UNC5D: variants seen among roughly 807,000 people sequenced by gnomAD.
The protein encoded by UNC5D is netrin receptor UNC5D.
UNC5D carries 39 observed loss-of-function variants against 105.4 expected under a neutral mutation model. That is an observed-to-expected ratio of 0.37 (90% CI 0.29 to 0.48). The LOEUF is 0.48. Ranked by LOEUF, UNC5D falls within the 20% of genes least tolerant of loss-of-function variation. UNC5D has a pLI of 0.98. For missense variants in UNC5D, 991 were observed against 1,202.4 expected (o/e 0.82, Z 2.60); for synonymous variants, 452 against 450.4 (o/e 1.00, Z -0.04).
Position 35,262,857 on chromosome 8 carries a change from C to T in UNC5D, c.103+26970C>T, listed in dbSNP as rs116328530. On this transcript the variant is annotated intron_variant, in intron 1 of 16. Coordinates refer to ENST00000404895, the MANE Select transcript of UNC5D (RefSeq NM_080872.4). ...TACTAAATACTAGAGCAAGATTTGC[C>T]TACTTTCTCATATTCCATAGTACGA... Among the ~76,000 whole-genome samples, 167 of 152,256 alleles carry T rather than the reference C, an allele frequency of 1.1e-3. No homozygotes were observed. The Middle Eastern group carries it at 0.017, about 16-fold the overall frequency.
intron 16 of UNC5D, among the ~76,000 whole-genome samples, chr8:35,779,405 A>G (rs189388158): frequency 1.3e-5 from 2 of 152,328 alleles, no homozygotes; most frequent in African/African-American, 4.8e-5. Context: ...GGGTTATTCA[A>G]TAAATATTTC....
rs1563594163 is a variant in UNC5D, at chr8:35,615,033, G to GC, written c.570+19376_570+19377insC. ...AAGACCAGCCTGGGCAACATAGTGA[G>GC]GGGCCCCCCCCCCCCCGTCCCCCAC... On this transcript the variant is annotated intron_variant, in intron 4 of 16. Transcript: ENST00000404895. Among the ~76,000 whole-genome samples the GC allele has an allele frequency of 4.0e-4, 19 of 47,938 alleles. 3 individuals are homozygous for GC. The East Asian group carries it at 4.6e-3, about 12-fold the overall frequency. 31.4% of individuals were successfully genotyped at this position (47,938 alleles called of 152,430 possible). A position where few individuals can be genotyped will look rare whatever the true frequency, so the allele number is the denominator to read the frequency against.
chr8:35,635,127 TTCTC>T (rs1468654595), intron 4 of UNC5D, among the ~76,000 whole-genome samples: 1 of 152,112 alleles, frequency 6.6e-6, no homozygotes, highest in East Asian at 1.9e-4. Context: ...GCACTATTTT[TTCTC>T]TCTCTCTATC....
At chr8:35,761,012 A>G (rs1465721029) in intron 14 of UNC5D, among the ~76,000 whole-genome samples, 1 of 152,150 alleles carries the variant, frequency 6.6e-6, no homozygotes, top group Admixed American at 6.6e-5. Context: ...CAAAGCACAC[A>G]ACCATCTCTC....
At chr8:35,438,969 A>G (rs968713196) in intron 1 of UNC5D, among the ~76,000 whole-genome samples, 1 of 151,948 alleles carries the variant, frequency 6.6e-6, no homozygotes, top group African/African-American at 2.4e-5. Context: ...GTTCTGGGAG[A>G]GATGGACGCA....
rs190362748 is a variant in UNC5D, at chr8:35,554,606, A to G, written c.322+5096A>G. ...CAGACACACATATGTCATACACACA[A>G]TAGTAAACAACCACAAACCAAACAT... On this transcript the variant is annotated intron_variant, in intron 2 of 16. Transcript: ENST00000404895. Among the ~76,000 whole-genome samples, 332 of 152,352 alleles carry G rather than the reference A, an allele frequency of 2.2e-3. 3 individuals carry two copies. Among genetic ancestry groups the G allele is most frequent in the African/African-American group, 7.4e-3 (306 of 41,584 alleles).
chr8:35,469,640 A>G (rs1449344311), intron 1 of UNC5D, among the ~76,000 whole-genome samples: 3 of 152,220 alleles, frequency 2.0e-5, no homozygotes, highest in African/African-American at 7.2e-5. Context: ...TTTGCAGAGA[A>G]GTAAAAAAGG....
chr8:35,296,788 A>G (rs1188264647), intron 1 of UNC5D, among the ~76,000 whole-genome samples: 1 of 152,088 alleles, frequency 6.6e-6, no homozygotes, highest in Non-Finnish European at 1.5e-5. Flanking sequence ...TTTAAAATAT[A>G]TTGGTTGATT....
intron 1 of UNC5D, among the ~76,000 whole-genome samples, chr8:35,480,483 G>A (rs1332473026): frequency 6.6e-6 from 1 of 152,040 alleles, no homozygotes; most frequent in African/African-American, 2.4e-5. Flanking sequence ...CTCCTGAGGA[G>A]TCCTTATGAG....
At chr8:35,682,260 G>T (rs963014630) in intron 4 of UNC5D, among the ~76,000 whole-genome samples, 1 of 152,194 alleles carries the variant, frequency 6.6e-6, no homozygotes, top group East Asian at 1.9e-4. Flanking sequence ...ACAGCACTTG[G>T]CCCAGATGAC....
At chr8:35,272,097 A>T (rs2128837144) in intron 1 of UNC5D, among the ~76,000 whole-genome samples, 1 of 152,232 alleles carries the variant, frequency 6.6e-6, no homozygotes, top group Admixed American at 6.5e-5. Context: ...AATTAATGCT[A>T]GGCTGTTTTT....
intron 4 of UNC5D, among the ~76,000 whole-genome samples, chr8:35,635,648 G>A (rs1822323647): frequency 1.3e-5 from 2 of 152,296 alleles, no homozygotes; most frequent in South Asian, 4.1e-4. Flanking sequence ...GCTGCATGTA[G>A]TAAAGGGTTC....
intron 4 of UNC5D, among the ~76,000 whole-genome samples, chr8:35,673,798 G>A (rs957288178): frequency 6.6e-6 from 1 of 152,134 alleles, no homozygotes; most frequent in Non-Finnish European, 1.5e-5. Flanking sequence ...TCTCAGAAAA[G>A]CAAATGCTTT....
intron 1 of UNC5D, among the ~76,000 whole-genome samples, chr8:35,478,938 T>G (rs1810296319): frequency 6.6e-6 from 1 of 152,178 alleles, no homozygotes; most frequent in East Asian, 1.9e-4. Flanking sequence ...TTTAGAAAAT[T>G]TTCTGAGTGA....
intron 1 of UNC5D, among the ~76,000 whole-genome samples, chr8:35,533,733 G>T (rs1183909026): frequency 6.6e-6 from 1 of 152,228 alleles, no homozygotes; most frequent in East Asian, 1.9e-4. Context: ...AGCCAGGTGT[G>T]GGATATAATC....
At chr8:35,455,968 A>G (rs995726805) in intron 1 of UNC5D, among the ~76,000 whole-genome samples, 1 of 152,168 alleles carries the variant, frequency 6.6e-6, no homozygotes, top group Non-Finnish European at 1.5e-5. Flanking sequence ...CAGCCAAACC[A>G]TATCCCTTGT....
intron 1 of UNC5D, among the ~76,000 whole-genome samples, chr8:35,484,235 A>G (rs1810682510): frequency 6.6e-6 from 1 of 152,208 alleles, no homozygotes; most frequent in Non-Finnish European, 1.5e-5. Context: ...GTAGCCCCAC[A>G]TAACCTCTCT....
chr8:35,658,559 A>G (rs1823912423), intron 4 of UNC5D, among the ~76,000 whole-genome samples: 1 of 152,082 alleles, frequency 6.6e-6, no homozygotes, highest in African/African-American at 2.4e-5. Flanking sequence ...TAGATGTTGC[A>G]TGATGATAAA....
intron 16 of UNC5D, among the ~76,000 whole-genome samples, chr8:35,782,650 C>T (rs945118576): frequency 2.0e-4 from 30 of 151,830 alleles, no homozygotes; most frequent in African/African-American, 7.0e-4. Context: ...ATTACAGGCG[C>T]CTGCCACCAC....
Sources: gnomAD v4.1 joint callset for allele counts (sites outside exome capture counted in the v4.1 genomes callset) on GRCh38, gnomAD v4.1.1 for gene constraint, MANE v1.5 for transcripts, NCBI Gene and HGNC (gene_info 2026-07-23, HGNC 2026-07-21) for gene names.